PROM2: variants seen among roughly 807,000 people sequenced by gnomAD.
PROM2 encodes the protein prominin 2, also known as prominin-2.
In PROM2, 90 loss-of-function variants were observed where a neutral mutation model predicts 110.2. The ratio of observed to expected loss-of-function variants is 0.82; its 90% CI spans 0.69 to 0.97. The LOEUF (loss-of-function observed/expected upper bound fraction) is 0.97, where lower values mean the gene tolerates loss of function less well. Ranked by LOEUF, PROM2 falls within the 50% of genes least tolerant of loss-of-function variation. The pLI is 0.00. For synonymous variants in PROM2, 470 were observed against 467.8 expected, an observed-to-expected ratio of 1.00 and a Z score of -0.06; for missense variants, 1,009 against 1,074.8, an observed-to-expected ratio of 0.94 and a Z score of 0.86.
chr2:95,281,142 C>A lies in PROM2; in HGVS notation c.1428-100C>A, dbSNP rs560094375. 3 of 1,504,818 alleles carry A rather than the reference C, an allele frequency of 2.0e-6. No individual in the cohort carries two copies. In the East Asian group the frequency reaches 6.9e-5, roughly 34 times the overall value. The allele number at this position is 1,504,818 out of a possible 1,614,324, so 93.2% of individuals were successfully genotyped here. On this transcript the variant is annotated intron_variant, in intron 11 of 23. Coordinates refer to ENST00000317620, the MANE Select transcript of PROM2 (RefSeq NM_001165978.3). The stretch of plus-strand genomic sequence containing the variant: ...TCTAAAGGCTCTGTGCTGGGGCCAA[C>A]TGGCTGAGCAGGCTGGCCCTGGGGT...
intron 6 of PROM2, 141 bp downstream of exon 6, chr2:95,277,202 C>T: frequency 9.0e-7 from 1 of 1,108,930 alleles, no homozygotes; most frequent in Admixed American, 2.5e-5. Flanking sequence ...CAGGATCCAG[C>T]CCCCCTCCCC....
At position 95,276,005 on chromosome 2, in the gene PROM2, G is replaced by C; in HGVS notation, c.370G>C (p.Gly124Arg). 1 of 1,611,930 alleles carries C rather than the reference G, an allele frequency of 6.2e-7. No homozygotes were observed. Among genetic ancestry groups the C allele is most frequent in the Non-Finnish European group, 8.5e-7 (1 of 1,179,848 alleles). ...CTACCTGCTGCTGGTGCCCACTGCC[G>C]GGCTTTGCTTCTGCTGCTGCCGCTG... ...GLYLLLVPTA[G>R]LCFCCCRCHR... The change falls in exon 3 of 24, where the codon GGG (glycine) becomes CGG (arginine). Residue 124 changes from glycine (G) to arginine (R), a missense_variant. Transcript: ENST00000317620. The surrounding 1 kb of genome is among the most constrained non-coding windows in gnomAD (Gnocchi z 4.6).
chr2:95,283,235 T>C (rs1157990409), intron 14 of PROM2, among the ~76,000 whole-genome samples: 1 of 152,134 alleles, frequency 6.6e-6, no homozygotes, highest in Admixed American at 6.5e-5. Context: ...CATCCTCTAC[T>C]GGCAGGAAGC....
chr2:95,288,504 G>T lies in PROM2; in HGVS notation c.2356G>T (p.Ala786Ser). The T allele has an allele frequency of 3.1e-6, 5 of 1,614,190 alleles. No homozygotes were observed. The highest frequency in any genetic ancestry group is 4.2e-6 in the Non-Finnish European group (5 of 1,180,016). Residue 786 changes from alanine (A) to serine (S), a missense_variant, in exon 22 of 24, where the codon GCA (alanine) becomes TCA (serine). Physicochemically the swap from Ala to Ser is moderately conservative, Grantham distance 99 (BLOSUM62 1). Coordinates refer to ENST00000317620, the MANE Select transcript of PROM2 (RefSeq NM_001165978.3). Reference protein sequence around the residue: ...DPWNAFWFCLAWCTFFLIPSI... With the variant: ...DPWNAFWFCLSWCTFFLIPSI... ...GCAGAATGCCTTCTGGTTCTGCCTGGCATGGTGCACCTTCTTCCTGATCCC... is the reference window on the plus strand; with the variant it reads ...GCAGAATGCCTTCTGGTTCTGCCTGTCATGGTGCACCTTCTTCCTGATCCC...
intron 18 of PROM2, 123 bp from the exon 19 acceptor site, chr2:95,287,010 C>G: frequency 7.9e-7 from 1 of 1,258,370 alleles, no homozygotes; most frequent in South Asian, 1.3e-5. Context: ...CCTGGGGGAT[C>G]ACCACCCTTG....
chr2:95,281,857 C>A (rs1329500168), intron 12 of PROM2, 68 bp from the exon 13 acceptor site: 4 of 1,082,790 alleles, frequency 3.7e-6, no homozygotes, highest in Admixed American at 1.7e-5. Flanking sequence ...CAGGGCCAGG[C>A]CCTAGGGGAC....
rs1677614023 is a variant in PROM2 at position 95,290,115 on chromosome 2, C to G, written c.*902C>G. ...TCAGAAGGAAGCATCTTCCACAGCCCCCACCCAACTTTCTTAGGAGTGATC... is the reference window on the plus strand; with the variant it reads ...TCAGAAGGAAGCATCTTCCACAGCCGCCACCCAACTTTCTTAGGAGTGATC... On this transcript the variant is annotated 3_prime_UTR_variant, in exon 24 of 24. Transcript: ENST00000317620. The G allele has an allele frequency of 6.6e-6, 1 of 152,366 alleles. No individual in the cohort carries two copies. Among genetic ancestry groups the G allele is most frequent in the Non-Finnish European group, 1.5e-5 (1 of 68,156 alleles). 9.4% of individuals were successfully genotyped at this position (152,366 alleles called of 1,614,324 possible).
In PROM2 at chr2:95,278,005, G is replaced by T. The variant is rs2104094576; in HGVS notation, c.1050+1G>T. ...CAACTTCTCCAGCATGGTCCAGGAG[G>T]TGAGAGCCACCTGGTCTGCCTGATT... On this transcript the variant is annotated splice_donor_variant, in intron 8 of 23. Coordinates refer to ENST00000317620, the MANE Select transcript of PROM2 (RefSeq NM_001165978.3). LOFTEE classifies it high-confidence loss of function. 6.2e-7 allele frequency: 1 copy of T among 1,608,954 alleles called. No homozygotes were observed. Among genetic ancestry groups the T allele is most frequent in the Non-Finnish European group, 8.5e-7 (1 of 1,178,112 alleles).
chr2:95,278,923 T>A, intron 9 of PROM2, 62 bp from the exon 10 acceptor site: 1 of 1,600,316 alleles, frequency 6.2e-7, no homozygotes, highest in Non-Finnish European at 8.5e-7. Context: ...CCTGCCCGCT[T>A]GTCTTGTTCC....
intron 13 of PROM2, 46 bp downstream of exon 13, chr2:95,282,062 G>A (rs998221905): frequency 6.2e-7 from 1 of 1,610,560 alleles, no homozygotes; most frequent in African/African-American, 1.3e-5. Context: ...AAGGAAGGAG[G>A]AGGGCCGGTG....
rs758174402 is a variant in PROM2 at position 95,286,479 on chromosome 2, G to T, written c.1948G>T (p.Asp650Tyr). 7 of 1,613,500 alleles carry T rather than the reference G, an allele frequency of 4.3e-6. No individual in the cohort carries two copies. The highest frequency in any genetic ancestry group is 1.3e-5 in the African/African-American group (1 of 74,910). The change falls in exon 17 of 24, where the codon GAC (aspartate) becomes TAC (tyrosine). Residue 650 changes from aspartate to tyrosine, a missense_variant and splice_region_variant. Transcript: ENST00000317620. ...CGTTCTGATTTTTGTATCCTTTCAG[G>T]ACAATTCTGTGCTGGGGCAGCGGCT... is the stretch of plus-strand genomic sequence containing the variant. The part of the protein sequence containing the change: ...QELQGLAQAQ[D>Y]NSVLGQRLQE...
chr2:95,277,695 CG>C (rs1553438133), intron 7 of PROM2, 129 bp downstream of exon 7: 1 of 991,592 alleles, frequency 1.0e-6, no homozygotes, highest in Non-Finnish European at 1.4e-6. Flanking sequence ...AGGGTTAATG[CG>C]GGTCATCCTG....
rs75867420 is a variant in PROM2 at position 95,290,662 on chromosome 2, C to T, written c.*1449C>T. 3 of 152,350 alleles carry T rather than the reference C, an allele frequency of 2.0e-5. No homozygotes were observed. Among genetic ancestry groups the T allele is most frequent in the Admixed American group, 1.3e-4 (2 of 15,298 alleles). The allele number at this position is 152,350 out of a possible 1,614,324, so 9.4% of individuals were successfully genotyped here. On this transcript the variant is annotated 3_prime_UTR_variant, in exon 24 of 24. Transcript: ENST00000317620. Reference sequence around the variant, plus strand: ...AGTGGCCTGGCACAAAACAAATGCTCAGTGGATGGAAGCTGCCTATTATTA... The same window carrying T: ...AGTGGCCTGGCACAAAACAAATGCTTAGTGGATGGAAGCTGCCTATTATTA...
chr2:95,276,523 G>A lies in PROM2; in HGVS notation c.619-71G>A. 6.2e-7 allele frequency: 1 copy of A among 1,609,540 alleles called. No individual in the cohort carries two copies. Among genetic ancestry groups the A allele is most frequent in the Non-Finnish European group, 8.5e-7 (1 of 1,176,234 alleles). ...TGGATGCCATAGGGGCAGGGAAGGG[G>A]CCAGGGAGAGAAGGGCGTAAGGACT... On this transcript the variant is annotated intron_variant, in intron 4 of 23. Transcript: ENST00000317620. The surrounding 1 kb of genome is among the most constrained non-coding windows in gnomAD (Gnocchi z 4.6).
At chr2:95,284,918 G>T in intron 14 of PROM2, 51 bp from the exon 15 acceptor site, 1 of 1,572,158 alleles carries the variant, frequency 6.4e-7, no homozygotes, top group Non-Finnish European at 8.7e-7. Flanking sequence ...CATCTCTGGG[G>T]TCCTGGCTCA....
chr2:95,289,063 G>T, intron 23 of PROM2, 57 bp downstream of exon 23: 1 of 1,391,768 alleles, frequency 7.2e-7, no homozygotes, highest in Non-Finnish European at 1.0e-6. Flanking sequence ...GGAGTGGGGT[G>T]GGGAGGGGCT....
Position 95,281,881 on chromosome 2 carries a change from C to T in PROM2, c.1552-44C>T, listed in dbSNP as rs769359474. On this transcript the variant is annotated intron_variant, in intron 12 of 23. Transcript: ENST00000317620. ...GCCCTAGGGGACCAGGGTGGCCTTG[C>T]CCCCACCCCGCTCTGTGCCCATTTC... is the stretch of plus-strand genomic sequence containing the variant. The T allele has an allele frequency of 2.7e-5, 38 of 1,415,870 alleles. 2 individuals carry two copies. Among genetic ancestry groups the T allele is most frequent in the East Asian group, 9.1e-5 (4 of 43,982 alleles). The allele number at this position is 1,415,870 out of a possible 1,614,324, so 87.7% of individuals were successfully genotyped here.
chr2:95,286,984 G>A, intron 18 of PROM2, 127 bp downstream of exon 18: 1 of 1,293,244 alleles, frequency 7.7e-7, no homozygotes, highest in East Asian at 2.4e-5. Flanking sequence ...GGAGGAAGAT[G>A]GGGGTGGCAG....
At chr2:95,278,884 T>G (rs35034822) in intron 9 of PROM2, 100 bp downstream of exon 9, 52,188 of 1,605,570 alleles carry the variant, frequency 0.033, 941 homozygotes, top group East Asian at 0.06. Context: ...CGGGGGACTG[T>G]CTTCCCTCTG....
Sources: allele counts gnomAD v4.1 joint callset (sites outside exome capture counted in the v4.1 genomes callset), GRCh38; gene constraint gnomAD v4.1.1; non-coding constraint Gnocchi (gnomAD v3.1); transcripts MANE v1.5; gene names NCBI Gene and HGNC (gene_info 2026-07-23, HGNC 2026-07-21).